The following CSNK1E variants were observed in gnomAD, a reference collection of about 807,000 sequenced individuals.
CSNK1E encodes the protein casein kinase I isoform epsilon.
Under a neutral mutation model 46.1 loss-of-function variants are expected in CSNK1E, and 17 were observed. The observed-to-expected ratio is 0.37, with a 90% CI of 0.25 to 0.55. The LOEUF (loss-of-function observed/expected upper bound fraction) is 0.55. Among genes scored for constraint, CSNK1E ranks in the 20% least tolerant of loss-of-function variants. The pLI, the probability that CSNK1E is intolerant of heterozygous loss-of-function variation, is 0.82. For missense variants in CSNK1E, 386 were observed against 595.4 expected (o/e 0.65, Z 3.66); for synonymous variants, 241 against 242.6 (o/e 0.99, Z 0.06).
chr22:38,301,287 G>A (rs2092670560), intron 4 of CSNK1E, among the ~76,000 whole-genome samples: 2 of 152,312 alleles, frequency 1.3e-5, no homozygotes, highest in South Asian at 4.1e-4. Flanking sequence ...ACAGGACTTA[G>A]GGAGCCAGAG....
In CSNK1E at chr22:38,300,983, G is replaced by A. The variant is rs755126654; in HGVS notation, c.337-31C>T. 6.3e-7 allele frequency: 1 copy of A among 1,590,174 alleles called. No homozygotes were observed. The highest frequency in any genetic ancestry group is 1.7e-5 in the Admixed American group (1 of 59,988). On this transcript the variant is annotated intron_variant, in intron 4 of 10. Transcript: ENST00000396832. This position sits in a 1 kb window ranked among gnomAD's most constrained non-coding sequence, Gnocchi z 4.4. Reference sequence around the variant, plus strand: ...GAGGAGGGGGGCCATTTGTTCAACAGAGGGGCCCTTGCCTAGCACTCTGGG... The same window carrying A: ...GAGGAGGGGGGCCATTTGTTCAACAAAGGGGCCCTTGCCTAGCACTCTGGG...
At position 38,301,735 on chromosome 22, in the gene CSNK1E, G is replaced by A. The variant is rs1033487438; in HGVS notation, c.337-783C>T. ...AGACTTGAGCCACCTTTTCAGTCGA[G>A]TTTTTAAAACTCAAACTAATATCCA... On this transcript the variant is annotated intron_variant, in intron 4 of 10. Coordinates refer to ENST00000396832, the MANE Select transcript of CSNK1E (RefSeq NM_152221.3). Among the ~76,000 whole-genome samples, 6 of 152,162 alleles carry A rather than the reference G, an allele frequency of 3.9e-5. No individual in the cohort carries two copies. In the South Asian group the frequency reaches 1.0e-3, roughly 27 times the overall value.
chr22:38,293,082 G>A, intron 10 of CSNK1E, 173 bp downstream of exon 10: 1 of 621,586 alleles, frequency 1.6e-6, no homozygotes, highest in Non-Finnish European at 2.9e-6. Context: ...CCCCAAGTCA[G>A]GCAGCCTCCG....
In CSNK1E at chr22:38,303,085, T is replaced by C; in HGVS notation, c.187+53A>G. The C allele has an allele frequency of 6.3e-7, 1 of 1,599,750 alleles. No individual in the cohort carries two copies. The highest frequency in any genetic ancestry group is 1.7e-4 in the Middle Eastern group (1 of 6,016). Reference sequence around the variant, plus strand: ...CCACGCCCGGCCCACCCTGTGCTCATGGCTGCCCACCGCCACCCACCCGGC... The same window carrying C: ...CCACGCCCGGCCCACCCTGTGCTCACGGCTGCCCACCGCCACCCACCCGGC... On this transcript the variant is annotated intron_variant, in intron 3 of 10. Coordinates refer to ENST00000396832, the MANE Select transcript of CSNK1E (RefSeq NM_152221.3). The surrounding 1 kb of genome is among the most constrained non-coding windows in gnomAD (Gnocchi z 4.7).
Position 38,300,963 on chromosome 22 carries a change from G to C in CSNK1E, c.337-11C>G, listed in dbSNP as rs1569078123. Reference sequence around the variant, plus strand: ...CTCGATGCGGCTGATCTGGGGAGGAGGGGGGCCATTTGTTCAACAGAGGGG... The same window carrying C: ...CTCGATGCGGCTGATCTGGGGAGGACGGGGGCCATTTGTTCAACAGAGGGG... On this transcript the variant is annotated splice_polypyrimidine_tract_variant and intron_variant, in intron 4 of 10. Transcript: ENST00000396832. The surrounding 1 kb of genome is among the most constrained non-coding windows in gnomAD (Gnocchi z 4.4). 6.2e-7 allele frequency: 1 copy of C among 1,611,982 alleles called. No homozygotes were observed. Among genetic ancestry groups the C allele is most frequent in the East Asian group, 2.2e-5 (1 of 44,868 alleles).
In CSNK1E at chr22:38,300,951, A is replaced by G. The variant is rs1602548873; in HGVS notation, c.338T>C (p.Ile113Thr). The change falls in exon 5 of 11, where the codon ATC (isoleucine) becomes ACC (threonine). Residue 113 changes from isoleucine (I) to threonine (T), a missense_variant and splice_region_variant. Transcript: ENST00000396832. The surrounding 1 kb of genome is among the most constrained non-coding windows in gnomAD (Gnocchi z 4.4). ...GGAGTGGATATACTCGATGCGGCTGATCTGGGGAGGAGGGGGGCCATTTGT... is the reference window on the plus strand; with the variant it reads ...GGAGTGGATATACTCGATGCGGCTGGTCTGGGGAGGAGGGGGGCCATTTGT... The part of the protein sequence containing the change: ...KTVLLLADQM[I>T]SRIEYIHSKN... 1 of 1,613,684 alleles carries G rather than the reference A, an allele frequency of 6.2e-7. No individual in the cohort carries two copies. The highest frequency in any genetic ancestry group is 8.5e-7 in the Non-Finnish European group (1 of 1,179,700).
chr22:38,316,437 G>A (rs534569212), intron 1 of CSNK1E, among the ~76,000 whole-genome samples: 1 of 152,212 alleles, frequency 6.6e-6, no homozygotes, highest in South Asian at 2.1e-4. Flanking sequence ...AGAAAACTAA[G>A]GGAAAAGTTG....
In CSNK1E at chr22:38,314,107, G is replaced by A. The variant is rs55915805; in HGVS notation, c.51C>T (p.Ser17=). 8,813 of 1,613,924 alleles carry A rather than the reference G, an allele frequency of 5.5e-3. 385 individuals are homozygous for A. In the Admixed American group the frequency reaches 0.091, roughly 17 times the overall value. Residue 17 remains serine (S), a synonymous_variant, in exon 2 of 11, where the codon AGC becomes AGT. Transcript: ENST00000396832. The part of the protein sequence containing the change: ...NKYRLGRKIG[S]GSFGDIYLGA... ...CCAGGTAGATATCTCCGAAGGACCC[G>A]CTCCCGATCTTCCGTCCCAGGCGGT...
Position 38,303,011 on chromosome 22 carries a change from TG to T in CSNK1E, c.188-3del, listed in dbSNP as rs771290361. On this transcript the variant is annotated splice_polypyrimidine_tract_variant and splice_region_variant and intron_variant, in intron 3 of 10. Coordinates refer to ENST00000396832, the MANE Select transcript of CSNK1E (RefSeq NM_152221.3). This position sits in a 1 kb window ranked among gnomAD's most constrained non-coding sequence, Gnocchi z 4.7. ...ACCACTTGATGGACGGGATCCCCACTGGGGGTCAAGCAGAGGGCCTCTGTCA... is the reference window on the plus strand; with the variant it reads ...ACCACTTGATGGACGGGATCCCCACTGGGGTCAAGCAGAGGGCCTCTGTCA... The T allele has an allele frequency of 3.7e-6, 6 of 1,613,038 alleles. No homozygotes were observed. In the African/African-American group the frequency reaches 6.7e-5, roughly 18 times the overall value.
At chr22:38,311,175 G>A (rs1017031080) in intron 2 of CSNK1E, among the ~76,000 whole-genome samples, 5 of 152,280 alleles carry the variant, frequency 3.3e-5, no homozygotes, top group Middle Eastern at 3.4e-3. Flanking sequence ...CCCAGCACAC[G>A]TGGGTATTTT....
intron 10 of CSNK1E, chr22:38,293,001 C>T (rs932320339): frequency 2.1e-5 from 11 of 525,730 alleles, no homozygotes; most frequent in South Asian, 6.4e-5. Flanking sequence ...GAGACCTGGC[C>T]GAGGGCAGAA....
chr22:38,296,058 A>G, intron 7 of CSNK1E: 2 of 546,454 alleles, frequency 3.7e-6, no homozygotes, highest in Non-Finnish European at 4.7e-6. Flanking sequence ...CAAGGTGTGG[A>G]GCCCTGCAGC....
At chr22:38,316,595 A>AC (rs2092747175) in intron 1 of CSNK1E, 1 of 151,786 alleles carries the variant, frequency 6.6e-6, no homozygotes, top group Non-Finnish European at 1.5e-5. Context: ...CCGACAAATA[A>AC]CCCCCACCCC....
At chr22:38,313,722 TTCTA>T (rs1312553895) in intron 2 of CSNK1E, among the ~76,000 whole-genome samples, 5 of 152,134 alleles carry the variant, frequency 3.3e-5, no homozygotes, top group Admixed American at 1.3e-4. Flanking sequence ...CCCAAGTCCC[TTCTA>T]TCTACCAATA....
chr22:38,294,575 C>A lies in CSNK1E; in HGVS notation c.886-41G>T. The A allele has an allele frequency of 6.5e-7, 1 of 1,529,820 alleles. No homozygotes were observed. The highest frequency in any genetic ancestry group is 8.8e-7 in the Non-Finnish European group (1 of 1,138,410). The allele number at this position is 1,529,820 out of a possible 1,614,324, so 94.8% of individuals were successfully genotyped here. A position where few individuals can be genotyped will look rare whatever the true frequency, so the allele number is the denominator to read the frequency against. ...AAAAGACACCAGTCAGCCCCAGAGG[C>A]CAGGGTGCTCTGGGCCCAGCAGCCC... On this transcript the variant is annotated intron_variant, in intron 7 of 10. Transcript: ENST00000396832. This position sits in a 1 kb window ranked among gnomAD's most constrained non-coding sequence, Gnocchi z 5.5.
chr22:38,296,509 C>T, intron 7 of CSNK1E: 8 of 1,585,078 alleles, frequency 5.0e-6, no homozygotes, highest in South Asian at 1.1e-5. Flanking sequence ...GGTGCTTCTG[C>T]CAGGGGACTG....
In CSNK1E at chr22:38,298,238, T is replaced by C; in HGVS notation, c.885+548A>G. The C allele has an allele frequency of 2.3e-6, 3 of 1,296,562 alleles. No homozygotes were observed. The highest frequency in any genetic ancestry group is 1.2e-5 in the South Asian group (1 of 80,884). 80.3% of individuals were successfully genotyped at this position (1,296,562 alleles called of 1,614,324 possible). A position where few individuals can be genotyped will look rare whatever the true frequency, so the allele number is the denominator to read the frequency against. The stretch of plus-strand genomic sequence containing the variant: ...AAGAGATGTGAAACAAGACATACAA[T>C]TTCACAGATTCCAGAGCTCTGGGTA... On this transcript the variant is annotated intron_variant, in intron 7 of 10. Coordinates refer to ENST00000396832, the MANE Select transcript of CSNK1E (RefSeq NM_152221.3). The surrounding 1 kb of genome is among the most constrained non-coding windows in gnomAD (Gnocchi z 4.2).
rs780529381 is a variant in CSNK1E at position 38,303,120 on chromosome 22, C to T, written c.187+18G>A. ...CCGCCACCCACCCGGCGCCCGCCGC[C>T]GCCCACCCTGCGCTCACCGCCACCC... On this transcript the variant is annotated intron_variant, in intron 3 of 10. Transcript: ENST00000396832. The surrounding 1 kb of genome is among the most constrained non-coding windows in gnomAD (Gnocchi z 4.7). 8.1e-6 allele frequency: 13 copies of T among 1,601,472 alleles called. No individual in the cohort carries two copies. Among genetic ancestry groups the T allele is most frequent in the South Asian group, 1.1e-5 (1 of 90,484 alleles).
rs141407839 is a variant in CSNK1E at position 38,313,147 on chromosome 22, G to A, written c.76+935C>T. Among the ~76,000 whole-genome samples the A allele has an allele frequency of 1.9e-3, 282 of 152,242 alleles. 5 individuals carry two copies. The highest frequency in any genetic ancestry group is 4.3e-4 in the Non-Finnish European group (29 of 68,012). On this transcript the variant is annotated intron_variant, in intron 2 of 10. Transcript: ENST00000396832. ...CTAACCATGGGGTAACAGAAACCCC[G>A]AAGTTCTGAGCTGATGGACACGACA... is the stretch of plus-strand genomic sequence containing the variant.
Sources: allele counts gnomAD v4.1 joint callset (sites outside exome capture counted in the v4.1 genomes callset), GRCh38; gene constraint gnomAD v4.1.1; non-coding constraint Gnocchi (gnomAD v3.1); transcripts MANE v1.5; gene names NCBI Gene and HGNC (gene_info 2026-07-23, HGNC 2026-07-21).